Variants in GPT2 observed in about 807,000 individuals in gnomAD.
GPT2 encodes the protein alanine aminotransferase 2.
GPT2 carries 30 observed loss-of-function variants against 56.9 expected under a neutral mutation model. The ratio of observed to expected loss-of-function variants is 0.53; its 90% CI spans 0.39 to 0.72. The LOEUF (loss-of-function observed/expected upper bound fraction) is 0.72. GPT2 is among the 30% of genes least tolerant of loss of function. The pLI is 0.00. For missense variants in GPT2, 542 were observed against 703.4 expected, an observed-to-expected ratio of 0.77 and a Z score of 2.60; for synonymous variants, 271 against 283.1, an observed-to-expected ratio of 0.96 and a Z score of 0.43.
At chr16:46,904,031 A>T (rs1960873468) in intron 4 of GPT2, among the ~76,000 whole-genome samples, 1 of 152,178 alleles carries the variant, frequency 6.6e-6, no homozygotes, top group African/African-American at 2.4e-5. Context: ...AAAGGCCCTA[A>T]AGTTGGGACC....
chr16:46,927,865 G>A (rs948645357), intron 11 of GPT2, among the ~76,000 whole-genome samples: 1 of 152,136 alleles, frequency 6.6e-6, no homozygotes, highest in Non-Finnish European at 1.5e-5. Context: ...GTGCACCAGA[G>A]GGAGGTGTTA....
intron 2 of GPT2, among the ~76,000 whole-genome samples, chr16:46,892,580 C>G (rs1213653129): frequency 2.6e-5 from 4 of 152,200 alleles, no homozygotes; most frequent in African/African-American, 7.2e-5. Context: ...TCCCCACACC[C>G]TCACCAACAC....
intron 5 of GPT2, among the ~76,000 whole-genome samples, chr16:46,907,464 G>A (rs184029038): frequency 5.9e-5 from 9 of 152,298 alleles, no homozygotes; most frequent in South Asian, 2.1e-4. Context: ...CTGGTGGAGC[G>A]GGGGCAGGAA....
intron 2 of GPT2, among the ~76,000 whole-genome samples, chr16:46,891,433 C>T (rs1052746415): frequency 5.3e-5 from 8 of 151,638 alleles, no homozygotes; most frequent in African/African-American, 1.2e-4. Flanking sequence ...GATGGAGTTT[C>T]GCTCTTGTTG....
At chr16:46,906,758 C>A in intron 4 of GPT2, 84 bp from the exon 5 acceptor site, 1 of 1,549,822 alleles carries the variant, frequency 6.5e-7, no homozygotes, top group Non-Finnish European at 8.9e-7. Context: ...ACAGGCATCC[C>A]TCTAATTATA....
chr16:46,884,593 G>A, intron 1 of GPT2, 101 bp from the exon 2 acceptor site: 1 of 1,220,904 alleles, frequency 8.2e-7, no homozygotes, highest in African/African-American at 1.6e-5. Flanking sequence ...AGCCAGGCTG[G>A]CACCGCTCGC....
At chr16:46,927,093 G>A in intron 11 of GPT2, 56 bp downstream of exon 11, 1 of 1,104,978 alleles carries the variant, frequency 9.0e-7, no homozygotes, top group Non-Finnish European at 1.3e-6. Flanking sequence ...GGGAAATGTG[G>A]ACTTCTTGAC....
At chr16:46,905,877 A>G (rs941094171) in intron 4 of GPT2, among the ~76,000 whole-genome samples, 1 of 152,114 alleles carries the variant, frequency 6.6e-6, no homozygotes, top group Non-Finnish European at 1.5e-5. Flanking sequence ...ACCACTGCTC[A>G]GCTTCCAGGA....
chr16:46,899,864 T>C (rs1960783104), intron 3 of GPT2, among the ~76,000 whole-genome samples: 1 of 152,208 alleles, frequency 6.6e-6, no homozygotes, highest in African/African-American at 2.4e-5. Flanking sequence ...CCACTGTGCA[T>C]GGCAGGCCCA....
chr16:46,901,025 G>T (rs991584264), intron 4 of GPT2, among the ~76,000 whole-genome samples: 1 of 152,120 alleles, frequency 6.6e-6, no homozygotes, highest in African/African-American at 2.4e-5. Flanking sequence ...GCATCATGCC[G>T]GGTGTGGGTG....
chr16:46,891,808 A>C (rs565221451), intron 2 of GPT2, among the ~76,000 whole-genome samples: 1 of 150,966 alleles, frequency 6.6e-6, no homozygotes. Flanking sequence ...TTTTTTTTCA[A>C]TGTACAATTA....
At chr16:46,924,283 A>G (rs1961356240) in intron 9 of GPT2, 106 bp from the exon 10 acceptor site, 1 of 1,298,378 alleles carries the variant, frequency 7.7e-7, no homozygotes, top group East Asian at 2.4e-5. Context: ...AAGCTGGAGC[A>G]AAGTCATCAT....
intron 6 of GPT2, chr16:46,915,164 G>C (rs1387954757): frequency 6.6e-6 from 1 of 152,072 alleles, no homozygotes; most frequent in Admixed American, 6.6e-5. Context: ...TCCCACCCTG[G>C]CCTCCCGAAG....
At chr16:46,901,888 A>T (rs1960825552) in intron 4 of GPT2, among the ~76,000 whole-genome samples, 1 of 152,152 alleles carries the variant, frequency 6.6e-6, no homozygotes, top group South Asian at 2.1e-4. Flanking sequence ...GTGTGCCAAG[A>T]CCTAAACCAC....
intron 9 of GPT2, 75 bp from the exon 10 acceptor site, chr16:46,924,314 G>A (rs1961357031): frequency 4.6e-6 from 7 of 1,514,538 alleles, no homozygotes; most frequent in Non-Finnish European, 6.4e-6. Context: ...CGCAAGTGCT[G>A]CAGGAAAGAT....
intron 4 of GPT2, among the ~76,000 whole-genome samples, chr16:46,901,674 G>T (rs1287202189): frequency 6.6e-6 from 1 of 152,204 alleles, no homozygotes; most frequent in Admixed American, 6.5e-5. Context: ...CTCAGCAGGG[G>T]AGTGGCCCCC....
intron 2 of GPT2, 49 bp from the exon 3 acceptor site, chr16:46,897,599 A>G: frequency 6.4e-7 from 1 of 1,564,824 alleles, no homozygotes; most frequent in Non-Finnish European, 8.8e-7. Flanking sequence ...TCTGGAATCC[A>G]GGGTTTAAGA....
intron 9 of GPT2, among the ~76,000 whole-genome samples, chr16:46,922,711 G>C (rs1961316325): frequency 6.6e-6 from 1 of 152,098 alleles, no homozygotes; most frequent in South Asian, 2.1e-4. Context: ...TAACACACTG[G>C]GGGGACTCAT....
At chr16:46,922,072 G>T (rs1369917369) in intron 8 of GPT2, among the ~76,000 whole-genome samples, 170 bp from the exon 9 acceptor site, 1 of 152,144 alleles carries the variant, frequency 6.6e-6, no homozygotes, top group Non-Finnish European at 1.5e-5. Context: ...GAAAAAAATA[G>T]GAGTTTGTAC....
Sources: gnomAD v4.1 joint callset for allele counts (sites outside exome capture counted in the v4.1 genomes callset) on GRCh38, gnomAD v4.1.1 for gene constraint, MANE v1.5 for transcripts, NCBI Gene and HGNC (gene_info 2026-07-23, HGNC 2026-07-21) for gene names.